Variants in RPRD2 observed in about 807,000 individuals in gnomAD.
RPRD2 encodes the protein regulation of nuclear pre-mRNA domain containing 2.
A neutral mutation model predicts 104.4 loss-of-function variants in RPRD2; 12 were observed. The ratio of observed to expected loss-of-function variants is 0.11; its 90% CI spans 0.07 to 0.19. RPRD2 has a LOEUF of 0.19. Ranked by LOEUF, RPRD2 falls within the 10% of genes least tolerant of loss-of-function variation. The pLI, the probability that RPRD2 is intolerant of heterozygous loss-of-function variation, is 1.00. For synonymous variants in RPRD2, 714 were observed against 684.9 expected (o/e 1.04, Z -0.66); for missense variants, 1,543 against 1,790.1 (o/e 0.86, Z 2.49).
At chr1:150,455,929 GC>G (rs1235488027) in intron 7 of RPRD2, among the ~76,000 whole-genome samples, 1 of 152,088 alleles carries the variant, frequency 6.6e-6, no homozygotes, top group Non-Finnish European at 1.5e-5. Context: ...TCCCACCTCA[GC>G]CCCCTAAGTA....
rs587715044 is a variant in RPRD2, at chr1:150,472,873, G to A, written c.3925G>A (p.Ala1309Thr). The change falls in exon 11 of 11, where the codon GCC (alanine) becomes ACC (threonine). Residue 1309 changes from alanine to threonine, a missense_variant. Ala to Thr is a moderately conservative substitution (Grantham distance 58, BLOSUM62 0). Transcript: ENST00000369068. Reference sequence around the variant, plus strand: ...CCACTCTGGAGTTGTACCCTTCCCAGCCCCACCACTGGCAGAGCACGGAGT... The same window carrying A: ...CCACTCTGGAGTTGTACCCTTCCCAACCCCACCACTGGCAGAGCACGGAGT... ...VDHSGVVPFP[A>T]PPLAEHGVAG... is the part of the protein sequence containing the mutation. 4 of 1,612,820 alleles carry A rather than the reference G, an allele frequency of 2.5e-6. No individual in the cohort carries two copies. In the African/African-American group the frequency reaches 5.3e-5, roughly 22 times the overall value.
intron 1 of RPRD2, among the ~76,000 whole-genome samples, chr1:150,401,651 G>GTT (rs1305874614): frequency 6.9e-6 from 1 of 144,852 alleles, no homozygotes; most frequent in Non-Finnish European, 1.5e-5. Context: ...GTTTTGTTTT[G>GTT]TTTTTTTTTT....
intron 1 of RPRD2, among the ~76,000 whole-genome samples, chr1:150,405,281 A>T (rs937656930): frequency 1.2e-4 from 18 of 152,332 alleles, no homozygotes; most frequent in African/African-American, 4.1e-4. Context: ...CAGATTTTTA[A>T]TTTAGATATG....
chr1:150,389,023 A>AGTTTT (rs368127481), intron 1 of RPRD2, among the ~76,000 whole-genome samples: 12 of 151,314 alleles, frequency 7.9e-5, no homozygotes, highest in Admixed American at 2.6e-4. Context: ...AGATTTTGAC[A>AGTTTT]GTTTTGTTTT....
intron 9 of RPRD2, among the ~76,000 whole-genome samples, chr1:150,463,021 T>C (rs2102419777): frequency 6.6e-6 from 1 of 152,074 alleles, no homozygotes; most frequent in African/African-American, 2.4e-5. Context: ...TCTGGCTAAG[T>C]TTTGTGGGTT....
rs1572323233 is a variant in RPRD2 at position 150,364,647 on chromosome 1, T to C, written c.-68T>C. On this transcript the variant is annotated 5_prime_UTR_variant, in exon 1 of 11. Coordinates refer to ENST00000369068, the MANE Select transcript of RPRD2 (RefSeq NM_015203.5). Reference sequence around the variant, plus strand: ...TTTCACGCACTCGCAGTGATTGTTTTGCCCGCTCCCGCCGCCGCCGCCGCC... The same window carrying C: ...TTTCACGCACTCGCAGTGATTGTTTCGCCCGCTCCCGCCGCCGCCGCCGCC... 1.4e-5 allele frequency: 11 copies of C among 808,006 alleles called. No individual in the cohort carries two copies. In the East Asian group the frequency reaches 2.7e-4, roughly 20 times the overall value. The allele number at this position is 808,006 out of a possible 1,614,324, so 50.1% of individuals were successfully genotyped here.
chr1:150,449,112 A>C (rs1278112988), intron 7 of RPRD2, among the ~76,000 whole-genome samples: 2 of 152,196 alleles, frequency 1.3e-5, no homozygotes, highest in Admixed American at 6.5e-5. Context: ...TTAAAAGAAG[A>C]AAGAAAAGGA....
intron 7 of RPRD2, among the ~76,000 whole-genome samples, chr1:150,455,615 A>G (rs1553897418): frequency 7.0e-6 from 1 of 142,670 alleles, no homozygotes; most frequent in Admixed American, 7.1e-5. Flanking sequence ...CCTAGGTTAG[A>G]AAAGGACATT....
intron 9 of RPRD2, among the ~76,000 whole-genome samples, chr1:150,463,694 AT>A (rs1277260804): frequency 2.6e-5 from 4 of 152,224 alleles, no homozygotes; most frequent in Admixed American, 6.5e-5. Flanking sequence ...AAATAATCTC[AT>A]TTTAAAAGCT....
At chr1:150,411,769 C>T (rs1455902710) in intron 1 of RPRD2, among the ~76,000 whole-genome samples, 6 of 108,858 alleles carry the variant, frequency 5.5e-5, no homozygotes, top group Admixed American at 3.4e-4. Flanking sequence ...CTAGCCTGGA[C>T]GACAGAGCTA....
chr1:150,399,562 GC>G (rs1553884881), intron 1 of RPRD2, among the ~76,000 whole-genome samples: 1 of 151,994 alleles, frequency 6.6e-6, no homozygotes, highest in Non-Finnish European at 1.5e-5. Flanking sequence ...TTCGAGACCA[GC>G]CTGGCCAACA....
intron 9 of RPRD2, among the ~76,000 whole-genome samples, 180 bp downstream of exon 9, chr1:150,460,497 G>A (rs587733255): frequency 3.3e-5 from 5 of 151,940 alleles, no homozygotes; most frequent in East Asian, 1.9e-4. Flanking sequence ...TCTGCCTCCC[G>A]GGTTCAAGTG....
chr1:150,414,147 A>T (rs1048461003), intron 1 of RPRD2, among the ~76,000 whole-genome samples: 38 of 152,154 alleles, frequency 2.5e-4, no homozygotes, highest in African/African-American at 9.2e-4. Flanking sequence ...TTGACTGGTA[A>T]AGGGAAATCC....
Position 150,364,757 on chromosome 1 carries a change from T to G in RPRD2, c.43T>G (p.Ser15Ala). ...GGGGSSKASS[S>A]SASSAGALES... ...CGGAGGCAGCAGTAAGGCCTCCTCCTCGTCGGCCTCTTCGGCAGGGGCTCT... is the reference window on the plus strand; with the variant it reads ...CGGAGGCAGCAGTAAGGCCTCCTCCGCGTCGGCCTCTTCGGCAGGGGCTCT... Residue 15 changes from serine (S) to alanine (A), a missense_variant, in exon 1 of 11, where the codon TCG becomes GCG. Ser to Ala is a moderately conservative substitution (Grantham distance 99). Coordinates refer to ENST00000369068, the MANE Select transcript of RPRD2 (RefSeq NM_015203.5). 1 of 1,602,178 alleles carries G rather than the reference T, an allele frequency of 6.2e-7. No homozygotes were observed. Among genetic ancestry groups the G allele is most frequent in the Middle Eastern group, 1.7e-4 (1 of 5,876 alleles).
chr1:150,473,319 C>G lies in RPRD2; in HGVS notation c.4371C>G (p.Phe1457Leu), dbSNP rs1444018425. 3.7e-6 allele frequency: 6 copies of G among 1,611,192 alleles called. No individual in the cohort carries two copies. The highest frequency in any genetic ancestry group is 5.1e-6 in the Non-Finnish European group (6 of 1,178,584). Reference sequence around the variant, plus strand: ...TCTTTGCACCAAAACGCCCATTCTTCCCTCCCAGGTACTGATGGAAACCAA... The same window carrying G: ...TCTTTGCACCAAAACGCCCATTCTTGCCTCCCAGGTACTGATGGAAACCAA... The part of the protein sequence containing the change: ...PPFFAPKRPF[F>L]PPRY The change falls in exon 11 of 11, where the codon TTC becomes TTG. Residue 1457 changes from phenylalanine to leucine, a missense_variant. This residue lies in a region of RPRD2 where 880 missense variants were observed against 885.6 expected (regional missense o/e 0.99). Coordinates refer to ENST00000369068, the MANE Select transcript of RPRD2 (RefSeq NM_015203.5).
chr1:150,455,685 G>T (rs1553897441), intron 7 of RPRD2, among the ~76,000 whole-genome samples: 1 of 150,804 alleles, frequency 6.6e-6, no homozygotes, highest in East Asian at 1.9e-4. Flanking sequence ...TAATAATTAT[G>T]AATATTGATT....
chr1:150,473,299 G>A lies in RPRD2; in HGVS notation c.4351G>A (p.Ala1451Thr). Residue 1451 changes from alanine (A) to threonine (T), a missense_variant, in exon 11 of 11, where the codon GCA becomes ACA. This residue lies in a region of RPRD2 where 880 missense variants were observed against 885.6 expected (regional missense o/e 0.99). Coordinates refer to ENST00000369068, the MANE Select transcript of RPRD2 (RefSeq NM_015203.5). ...TTTTGCTAGGGGCCCTCCGTTCTTTGCACCAAAACGCCCATTCTTCCCTCC... is the reference window on the plus strand; with the variant it reads ...TTTTGCTAGGGGCCCTCCGTTCTTTACACCAAAACGCCCATTCTTCCCTCC... ...PPFARGPPFF[A>T]PKRPFFPPRY 1 of 1,612,896 alleles carries A rather than the reference G, an allele frequency of 6.2e-7. No individual in the cohort carries two copies. The highest frequency in any genetic ancestry group is 8.5e-7 in the Non-Finnish European group (1 of 1,179,432).
rs1659635848 is a variant in RPRD2, at chr1:150,364,153, G to A, written c.-562G>A. Among the ~76,000 whole-genome samples the A allele has an allele frequency of 6.6e-6, 1 of 152,236 alleles. No individual in the cohort carries two copies. Among genetic ancestry groups the A allele is most frequent in the South Asian group, 2.1e-4 (1 of 4,832 alleles). ...CAAGTGGCGCGTGCGCGATACTGTT[G>A]CTGCCCCTTTGCTGCTATTGCGTTG... On this transcript the variant is annotated 5_prime_UTR_variant, in exon 1 of 11. Transcript: ENST00000369068.
At chr1:150,417,870 AAC>A (rs1664463758) in intron 2 of RPRD2, 145 bp downstream of exon 2, 1 of 487,948 alleles carries the variant, frequency 2.0e-6, no homozygotes, top group Admixed American at 4.1e-5. Flanking sequence ...CTTTCTTGTT[AAC>A]ACACGTTTTT....
Sources: allele counts gnomAD v4.1 joint callset (sites outside exome capture counted in the v4.1 genomes callset), GRCh38; gene constraint gnomAD v4.1.1; regional missense constraint gnomAD v4.1.1; transcripts MANE v1.5; gene names NCBI Gene and HGNC (gene_info 2026-07-23, HGNC 2026-07-21).